FGGY: variants seen among roughly 807,000 people sequenced by gnomAD.
FGGY encodes the protein FGGY carbohydrate kinase domain-containing protein.
Under a neutral mutation model 71.3 loss-of-function variants are expected in FGGY, and 72 were observed. The observed-to-expected ratio is 1.01, with a 90% CI of 0.84 to 1.23. The LOEUF is 1.23. FGGY is among the 50% of genes most tolerant of loss of function. The probability of loss-of-function intolerance (pLI) is 0.00; values close to 1 mark genes in which losing one functional copy is unlikely to be tolerated. For synonymous variants in FGGY, 251 were observed against 250.3 expected, an observed-to-expected ratio of 1.00 and a Z score of -0.02; for missense variants, 668 against 682.3, an observed-to-expected ratio of 0.98 and a Z score of 0.23.
intron 8 of FGGY, among the ~76,000 whole-genome samples, chr1:59,556,336 T>C (rs998623380): frequency 6.6e-6 from 1 of 152,254 alleles, no homozygotes; most frequent in Non-Finnish European, 1.5e-5. Context: ...CAAGTGTCTC[T>C]GTGATGGCCT....
At chr1:59,579,359 G>T (rs1463421820) in intron 8 of FGGY, among the ~76,000 whole-genome samples, 1 of 152,084 alleles carries the variant, frequency 6.6e-6, no homozygotes, top group Non-Finnish European at 1.5e-5. Flanking sequence ...CATCTGTAGA[G>T]TATGACCTCC....
chr1:59,447,417 G>T (rs57050717), intron 5 of FGGY, among the ~76,000 whole-genome samples: 2 of 152,022 alleles, frequency 1.3e-5, no homozygotes, highest in African/African-American at 4.8e-5. Context: ...TTGAGGGCTG[G>T]CCTGCAAAAA....
intron 5 of FGGY, among the ~76,000 whole-genome samples, chr1:59,385,321 T>C (rs1237934784): frequency 1.3e-5 from 2 of 152,190 alleles, no homozygotes; most frequent in African/African-American, 2.4e-5. Flanking sequence ...GCTCCATTCT[T>C]TTTCTTATAT....
chr1:59,610,611 C>T (rs142516702), intron 9 of FGGY, among the ~76,000 whole-genome samples: 182 of 152,354 alleles, frequency 1.2e-3, no homozygotes, highest in African/African-American at 4.2e-3. Flanking sequence ...GTGATTTCTG[C>T]ATTTCCAGCT....
At chr1:59,580,529 T>C (rs2096173750) in intron 8 of FGGY, among the ~76,000 whole-genome samples, 1 of 152,164 alleles carries the variant, frequency 6.6e-6, no homozygotes, top group Admixed American at 6.5e-5. Context: ...AGTTTTCAGT[T>C]TTATTTTGCT....
intron 6 of FGGY, 93 bp downstream of exon 6, chr1:59,457,169 T>A: frequency 1.1e-6 from 1 of 905,650 alleles, no homozygotes. Context: ...CTTGTTTTTG[T>A]ATGCATGAAA....
chr1:59,321,735 C>T lies in FGGY; in HGVS notation c.186C>T (p.Cys62=), dbSNP rs1200315752. ...EQSSEDIWAA[C]CVVTKKVVQG... ...CCTCCGAGGACATCTGGGCTGCGTG[C>T]TGTGTTGTCACAAAGGTATGGGCAA... The change falls in exon 2 of 16, where the codon TGC becomes TGT. Residue 62 remains cysteine (C), a synonymous_variant. Coordinates refer to ENST00000303721, the MANE Select transcript of FGGY (RefSeq NM_018291.5). 6.2e-7 allele frequency: 1 copy of T among 1,610,956 alleles called. No homozygotes were observed. The highest frequency in any genetic ancestry group is 2.2e-5 in the East Asian group (1 of 44,830).
At chr1:59,537,401 T>C (rs1277904997) in intron 7 of FGGY, among the ~76,000 whole-genome samples, 1 of 152,114 alleles carries the variant, frequency 6.6e-6, no homozygotes, top group African/African-American at 2.4e-5. Context: ...AGAATCAATA[T>C]CATGAAAATG....
chr1:59,297,178 G>A lies in FGGY; in HGVS notation c.-15+28G>A, dbSNP rs1246636463. 4 of 152,530 alleles carry A rather than the reference G, an allele frequency of 2.6e-5. No individual in the cohort carries two copies. In the East Asian group the frequency reaches 5.8e-4, roughly 22 times the overall value. The allele number at this position is 152,530 out of a possible 1,614,324, so 9.4% of individuals were successfully genotyped here. A position where few individuals can be genotyped will look rare whatever the true frequency, so the allele number is the denominator to read the frequency against. On this transcript the variant is annotated intron_variant, in intron 1 of 15. Transcript: ENST00000303721. The stretch of plus-strand genomic sequence containing the variant: ...GAGGCGTCCGGCCACTTAAGGGAAG[G>A]GAAGGGAAGGGTCGGCCTTGACTGC...
chr1:59,398,425 G>A (rs2061573463), intron 5 of FGGY, among the ~76,000 whole-genome samples: 1 of 152,134 alleles, frequency 6.6e-6, no homozygotes, highest in South Asian at 2.1e-4. Context: ...TTTTAGTAGA[G>A]ATGGTGTTTC....
At chr1:59,326,271 TTGTA>T (rs757392716) in intron 2 of FGGY, among the ~76,000 whole-genome samples, 10 of 152,200 alleles carry the variant, frequency 6.6e-5, no homozygotes, top group Non-Finnish European at 1.0e-4. Context: ...AACAGCTTAA[TTGTA>T]TGAGAAAAAT....
intron 6 of FGGY, among the ~76,000 whole-genome samples, chr1:59,493,658 G>A (rs544971805): frequency 1.3e-5 from 2 of 152,252 alleles, no homozygotes; most frequent in South Asian, 4.1e-4. Flanking sequence ...AGAAGTTAGT[G>A]TTTAATGGAT....
intron 14 of FGGY, among the ~76,000 whole-genome samples, chr1:59,720,052 G>C (rs1040761034): frequency 6.6e-6 from 1 of 152,188 alleles, no homozygotes; most frequent in East Asian, 1.9e-4. Flanking sequence ...AAAAATCTCT[G>C]TAAGAGGTGA....
chr1:59,533,885 A>C (rs1013112780), intron 7 of FGGY, among the ~76,000 whole-genome samples: 2 of 152,338 alleles, frequency 1.3e-5, no homozygotes, highest in Non-Finnish European at 2.9e-5. Flanking sequence ...TGGGGAAAAA[A>C]CAGAGCAGAA....
intron 14 of FGGY, chr1:59,699,140 A>G: frequency 2.0e-6 from 2 of 985,448 alleles, no homozygotes; most frequent in Non-Finnish European, 2.4e-6. Flanking sequence ...AAAACAAATT[A>G]TACCACAAAC....
chr1:59,605,995 G>T (rs1213441498), intron 8 of FGGY, among the ~76,000 whole-genome samples: 1 of 152,090 alleles, frequency 6.6e-6, no homozygotes, highest in Non-Finnish European at 1.5e-5. Context: ...CCATAAATGT[G>T]ACTTCAGCAT....
At chr1:59,541,958 T>C (rs974821796) in intron 7 of FGGY, among the ~76,000 whole-genome samples, 3 of 152,182 alleles carry the variant, frequency 2.0e-5, no homozygotes, top group African/African-American at 7.2e-5. Context: ...ATAAGTTAAT[T>C]TACCTAAAAC....
intron 14 of FGGY, among the ~76,000 whole-genome samples, chr1:59,722,905 T>G (rs1474214919): frequency 6.6e-6 from 1 of 152,220 alleles, no homozygotes; most frequent in Non-Finnish European, 1.5e-5. Context: ...CATGCCATTC[T>G]CCTGCCTCAG....
intron 14 of FGGY, among the ~76,000 whole-genome samples, chr1:59,732,738 G>A (rs940993779): frequency 1.3e-5 from 2 of 152,002 alleles, no homozygotes; most frequent in Admixed American, 6.6e-5. Flanking sequence ...GACCACTGTC[G>A]CCCCCACCTA....
Sources: gnomAD v4.1 joint callset for allele counts (sites outside exome capture counted in the v4.1 genomes callset) on GRCh38, gnomAD v4.1.1 for gene constraint, MANE v1.5 for transcripts, NCBI Gene and HGNC (gene_info 2026-07-23, HGNC 2026-07-21) for gene names.